The following B4GALT1 variants were observed in gnomAD, a reference collection of about 807,000 sequenced individuals.
B4GALT1 encodes beta-1,4-galactosyltransferase 1, also known as N-acetyllactosamine synthase.
Under a neutral mutation model 34.9 loss-of-function variants are expected in B4GALT1, and 16 were observed. That is an observed-to-expected ratio of 0.46 (90% CI 0.31 to 0.70). B4GALT1 has a LOEUF of 0.70. B4GALT1 is among the 30% of genes least tolerant of loss of function. The pLI, the probability that B4GALT1 is intolerant of heterozygous loss-of-function variation, is 0.05. For missense variants in B4GALT1, 445 were observed against 530.5 expected (o/e 0.84, Z 1.58); for synonymous variants, 221 against 218.1 (o/e 1.01, Z -0.12).
chr9:33,183,051 A>C, the B4GALT1 span, among the ~76,000 whole-genome samples: 1 of 152,166 alleles, frequency 6.6e-6, no homozygotes, highest in African/African-American at 2.4e-5. Flanking sequence ...CAGTTACTGG[A>C]GGTTAACCGT....
chr9:33,143,233 G>T (rs1840378992), intron 1 of B4GALT1, among the ~76,000 whole-genome samples: 1 of 152,190 alleles, frequency 6.6e-6, no homozygotes, highest in Non-Finnish European at 1.5e-5. Flanking sequence ...TGGGAAGCTA[G>T]ACCAACTGGG....
chr9:33,117,147 G>GC (rs1437988725), intron 3 of B4GALT1, among the ~76,000 whole-genome samples: 1 of 152,050 alleles, frequency 6.6e-6, no homozygotes, highest in Admixed American at 6.6e-5. Flanking sequence ...CCCAGTCACA[G>GC]CCCCCCTTCC....
chr9:33,153,148 T>C (rs1840547457), intron 1 of B4GALT1, among the ~76,000 whole-genome samples: 1 of 152,194 alleles, frequency 6.6e-6, no homozygotes, highest in East Asian at 1.9e-4. Context: ...CTGAATATGA[T>C]ACTGGCAAAT....
intron 2 of B4GALT1, among the ~76,000 whole-genome samples, chr9:33,134,036 A>T (rs908681936): frequency 6.6e-6 from 1 of 152,160 alleles, no homozygotes; most frequent in Non-Finnish European, 1.5e-5. Flanking sequence ...CAATCACAGG[A>T]TATTTGGGTC....
upstream of B4GALT1, among the ~76,000 whole-genome samples, chr9:33,171,126 C>A (rs1840836819): frequency 1.3e-5 from 2 of 152,258 alleles, no homozygotes; most frequent in South Asian, 4.1e-4. Flanking sequence ...TTATTTCAGT[C>A]ATCTATTGCA....
chr9:33,153,315 T>C (rs1840549692), intron 1 of B4GALT1, among the ~76,000 whole-genome samples: 1 of 152,032 alleles, frequency 6.6e-6, no homozygotes, highest in Non-Finnish European at 1.5e-5. Flanking sequence ...CCTAACCTTC[T>C]ACCTTAAGAC....
At chr9:33,118,432 G>C (rs1483047712) in intron 3 of B4GALT1, among the ~76,000 whole-genome samples, 1 of 152,126 alleles carries the variant, frequency 6.6e-6, no homozygotes, top group Non-Finnish European at 1.5e-5. Context: ...GGTCAAAGCA[G>C]GAGGATTGCT....
chr9:33,158,097 T>G (rs1250995606), intron 1 of B4GALT1, among the ~76,000 whole-genome samples: 3 of 152,100 alleles, frequency 2.0e-5, no homozygotes, highest in African/African-American at 7.2e-5. Context: ...CCAGAGGCCT[T>G]TCACGTTGCA....
the B4GALT1 span, among the ~76,000 whole-genome samples, chr9:33,177,830 G>A: frequency 0.04 from 6,127 of 152,190 alleles, 159 homozygotes; most frequent in Non-Finnish European, 0.061. Flanking sequence ...GGAAGTTGGT[G>A]CTAGTTGCCA....
At chr9:33,140,226 T>C (rs1475471187) in intron 1 of B4GALT1, among the ~76,000 whole-genome samples, 1 of 152,234 alleles carries the variant, frequency 6.6e-6, no homozygotes, top group Non-Finnish European at 1.5e-5. Context: ...GGCTGAAACA[T>C]CTAGTCACTG....
the B4GALT1 span, among the ~76,000 whole-genome samples, chr9:33,179,110 A>C: frequency 1.3e-5 from 2 of 152,200 alleles, no homozygotes; most frequent in Admixed American, 1.3e-4. Context: ...GAGCCAAAAC[A>C]AGTTGATTGG....
exon 3 of B4GALT1, chr9:33,104,708 C>A (rs1220348064): frequency 4.4e-6 from 2 of 454,224 alleles, no homozygotes; most frequent in African/African-American, 4.0e-5. Flanking sequence ...GGACTAACCA[C>A]CATGCGCTGC....
intron 2 of B4GALT1, among the ~76,000 whole-genome samples, chr9:33,105,066 C>A (rs1384943499): frequency 2.0e-5 from 3 of 152,220 alleles, no homozygotes; most frequent in Middle Eastern, 3.4e-3. Flanking sequence ...GTGATCCGCC[C>A]ACCTTGGCCT....
At chr9:33,105,849 G>T (rs192127408), downstream of B4GALT1, among the ~76,000 whole-genome samples, 229 of 131,342 alleles carry the variant, frequency 1.7e-3, 3 homozygotes, top group Non-Finnish European at 1.6e-4. Context: ...TGTATATACC[G>T]CCTTTTGTTT....
chr9:33,139,705 A>C (rs1464591719), intron 1 of B4GALT1, among the ~76,000 whole-genome samples: 1 of 152,230 alleles, frequency 6.6e-6, no homozygotes, highest in Non-Finnish European at 1.5e-5. Context: ...TCTGTTCAGA[A>C]TCATGCAGAC....
chr9:33,114,800 T>A (rs184136262), intron 4 of B4GALT1, among the ~76,000 whole-genome samples: 1 of 152,180 alleles, frequency 6.6e-6, no homozygotes, highest in Non-Finnish European at 1.5e-5. Flanking sequence ...CAGTAAGTGG[T>A]GCATAGAAAG....
At chr9:33,182,658 A>G in the B4GALT1 span, among the ~76,000 whole-genome samples, 1 of 152,228 alleles carries the variant, frequency 6.6e-6, no homozygotes, top group South Asian at 2.1e-4. Context: ...ACACAGGACT[A>G]ATGTTCCAAA....
chr9:33,142,677 C>A (rs1331175219), intron 1 of B4GALT1, among the ~76,000 whole-genome samples: 1 of 152,086 alleles, frequency 6.6e-6, no homozygotes, highest in Non-Finnish European at 1.5e-5. Context: ...AGTGCAATGG[C>A]ATGATTATCG....
At chr9:33,152,901 G>A (rs1389368639) in intron 1 of B4GALT1, among the ~76,000 whole-genome samples, 1 of 151,906 alleles carries the variant, frequency 6.6e-6, no homozygotes, top group East Asian at 1.9e-4. Context: ...ACTCACATAA[G>A]AAATACAAAT....
Sources: gnomAD v4.1 joint callset for allele counts (sites outside exome capture counted in the v4.1 genomes callset) on GRCh38, gnomAD v4.1.1 for gene constraint, MANE v1.5 for transcripts, NCBI Gene and HGNC (gene_info 2026-07-23, HGNC 2026-07-21) for gene names.